Variants in CDK7 observed in about 807,000 individuals in gnomAD.
CDK7 encodes the protein cyclin-dependent kinase 7.
Under a neutral mutation model 49.1 loss-of-function variants are expected in CDK7, and 25 were observed. The observed-to-expected ratio is 0.51, with a 90% confidence interval of 0.37 to 0.71. The LOEUF (loss-of-function observed/expected upper bound fraction) is 0.71. Among genes scored for constraint, CDK7 ranks in the 30% least tolerant of loss-of-function variants. The pLI is 0.00. For synonymous variants in CDK7, 107 were observed against 140.0 expected, an observed-to-expected ratio of 0.76 and a Z score of 1.67; for missense variants, 316 against 411.7, an observed-to-expected ratio of 0.77 and a Z score of 2.01.
At chr5:69,250,918 GA>G (rs2150199493) in intron 2 of CDK7, 2 of 454,358 alleles carry the variant, frequency 4.4e-6, no homozygotes, top group East Asian at 1.4e-4. Flanking sequence ...TCTACTTTAA[GA>G]AATTCTGTGG....
At chr5:69,252,176 A>C (rs1367203283) in intron 2 of CDK7, among the ~76,000 whole-genome samples, 1 of 152,148 alleles carries the variant, frequency 6.6e-6, no homozygotes, top group Non-Finnish European at 1.5e-5. Context: ...TCTTAATTTT[A>C]TTATTTGAAT....
At chr5:69,238,367 C>T (rs1749143594) in intron 2 of CDK7, among the ~76,000 whole-genome samples, 1 of 150,388 alleles carries the variant, frequency 6.6e-6, no homozygotes, top group African/African-American at 2.5e-5. Flanking sequence ...TCACTGAAGC[C>T]TTGACCTCCT....
At chr5:69,268,286 A>G (rs1359677878) in intron 8 of CDK7, among the ~76,000 whole-genome samples, 3 of 152,174 alleles carry the variant, frequency 2.0e-5, no homozygotes, top group African/African-American at 7.2e-5. Flanking sequence ...TATGTGTATC[A>G]GCACTGCTTA....
At chr5:69,276,225 C>T (rs939239418) in intron 10 of CDK7, among the ~76,000 whole-genome samples, 14 of 152,038 alleles carry the variant, frequency 9.2e-5, no homozygotes, top group Non-Finnish European at 2.1e-4. Flanking sequence ...GATGGAGTTT[C>T]GCCACGTTGG....
intron 2 of CDK7, 96 bp downstream of exon 2, chr5:69,235,549 A>G: frequency 1.2e-6 from 1 of 816,222 alleles, no homozygotes; most frequent in Non-Finnish European, 2.1e-6. Context: ...CCATACTCTG[A>G]TAATGAGTTA....
At chr5:69,237,717 G>A (rs1243369772) in intron 2 of CDK7, among the ~76,000 whole-genome samples, 1 of 152,214 alleles carries the variant, frequency 6.6e-6, no homozygotes, top group East Asian at 1.9e-4. Flanking sequence ...TTGGGAGCTC[G>A]AGGCAGGCGG....
chr5:69,251,200 C>T (rs780156087), intron 2 of CDK7, among the ~76,000 whole-genome samples: 6 of 151,100 alleles, frequency 4.0e-5, no homozygotes, highest in Non-Finnish European at 8.8e-5. Context: ...TGGGTTCAAG[C>T]GATTCTTCTG....
In CDK7 at chr5:69,261,526, A is replaced by ATGTATG. The variant is rs1561365837; in HGVS notation, c.528-676_528-675insATGTGT. On this transcript the variant is annotated intron_variant, in intron 7 of 11. Coordinates refer to ENST00000256443, the MANE Select transcript of CDK7 (RefSeq NM_001799.4). The stretch of plus-strand genomic sequence containing the variant: ...TGTGTGTGTGTGTGTGTGTGTGTGT[A>ATGTATG]TGTGTGTGTGGTGTTTTGTTTTGAG... 1.3e-4 allele frequency among the ~76,000 whole-genome samples: 15 copies of ATGTATG among 118,136 alleles called. No individual in the cohort carries two copies. The South Asian group carries it at 2.1e-3, about 16-fold the overall frequency. The allele number at this position is 118,136 out of a possible 152,430, so 77.5% of individuals were successfully genotyped here.
At chr5:69,257,603 C>T (rs968906203) in intron 5 of CDK7, among the ~76,000 whole-genome samples, 5 of 152,156 alleles carry the variant, frequency 3.3e-5, no homozygotes, top group African/African-American at 1.2e-4. Context: ...GGTTGATTGA[C>T]TTGTCTTGTA....
At chr5:69,250,496 C>T (rs1387220752) in intron 2 of CDK7, among the ~76,000 whole-genome samples, 1 of 152,186 alleles carries the variant, frequency 6.6e-6, no homozygotes, top group Non-Finnish European at 1.5e-5. Flanking sequence ...CAGGGTACCA[C>T]CAGTGTTCAC....
chr5:69,269,959 C>A (rs1281078768), intron 9 of CDK7, among the ~76,000 whole-genome samples: 2 of 148,580 alleles, frequency 1.3e-5, no homozygotes. Flanking sequence ...TTGGTGGGTG[C>A]GATGGCTCAC....
At chr5:69,268,941 G>A (rs1751345640) in intron 8 of CDK7, among the ~76,000 whole-genome samples, 1 of 150,372 alleles carries the variant, frequency 6.7e-6, no homozygotes, top group Non-Finnish European at 1.5e-5. Flanking sequence ...TCAGGGCTTC[G>A]AGACCAGCCT....
At chr5:69,273,680 G>A (rs373270986) in intron 10 of CDK7, among the ~76,000 whole-genome samples, 219 of 152,318 alleles carry the variant, frequency 1.4e-3, no homozygotes, top group African/African-American at 5.1e-3. Flanking sequence ...ACACAGTGCA[G>A]TGATTTTACC....
At chr5:69,265,787 G>A (rs1211948342) in intron 8 of CDK7, among the ~76,000 whole-genome samples, 14 of 152,058 alleles carry the variant, frequency 9.2e-5, no homozygotes, top group South Asian at 2.1e-4. Context: ...TTGAGTGCGT[G>A]TTTTCCCAGC....
intron 2 of CDK7, 108 bp from the exon 3 acceptor site, chr5:69,252,310 T>G (rs913328312): frequency 1.1e-4 from 82 of 727,508 alleles, no homozygotes; most frequent in Non-Finnish European, 1.5e-4. Flanking sequence ...GGTTGCTAAT[T>G]GTTTTTTTTT....
chr5:69,255,609 G>A (rs775211206), intron 5 of CDK7, 81 bp downstream of exon 5: 2 of 993,330 alleles, frequency 2.0e-6, no homozygotes, highest in Admixed American at 1.7e-5. Context: ...TACCCAAGAA[G>A]ATACTGGTAG....
At chr5:69,263,570 GA>G (rs1750965347) in intron 8 of CDK7, among the ~76,000 whole-genome samples, 2 of 152,150 alleles carry the variant, frequency 1.3e-5, no homozygotes, top group South Asian at 4.1e-4. Flanking sequence ...ATCATTTTGA[GA>G]AACTTACCCA....
chr5:69,241,545 C>G (rs1190602529), intron 2 of CDK7, among the ~76,000 whole-genome samples: 3 of 151,754 alleles, frequency 2.0e-5, no homozygotes, highest in Non-Finnish European at 4.4e-5. Context: ...AGGCTGGTCT[C>G]GAACTCCTGA....
chr5:69,270,120 AATTGTGAATATATAATTCACAATTATAT>A (rs1751437121), intron 9 of CDK7, among the ~76,000 whole-genome samples: 1 of 146,396 alleles, frequency 6.8e-6, no homozygotes, highest in Non-Finnish European at 1.5e-5. Flanking sequence ...ATTCACGTGC[AATTGTGAATATATAATTCACAATTATAT>A]ATTGTGGCTG....
Sources: gnomAD v4.1 joint callset for allele counts (sites outside exome capture counted in the v4.1 genomes callset) on GRCh38, gnomAD v4.1.1 for gene constraint, MANE v1.5 for transcripts, NCBI Gene and HGNC (gene_info 2026-07-23, HGNC 2026-07-21) for gene names.